Variants in UBE2D2 observed in about 807,000 individuals in gnomAD.
UBE2D2 encodes ubiquitin-conjugating enzyme E2 D2.
Under a neutral mutation model 24.2 loss-of-function variants are expected in UBE2D2, and 2 were observed. The observed-to-expected ratio is 0.08, with a 90% CI of 0.03 to 0.26. The LOEUF (loss-of-function observed/expected upper bound fraction) is 0.26, where lower values mean the gene tolerates loss of function less well. Among genes scored for constraint, UBE2D2 ranks in the 10% least tolerant of loss-of-function variants. The probability of loss-of-function intolerance (pLI) is 1.00; values close to 1 mark genes in which losing one functional copy is unlikely to be tolerated. For synonymous variants in UBE2D2, 58 were observed against 56.5 expected, an observed-to-expected ratio of 1.03 and a Z score of -0.12; for missense variants, 44 against 177.6, an observed-to-expected ratio of 0.25 and a Z score of 4.28.
chr5:139,538,392 A>G (rs1581480146), intron 1 of UBE2D2, among the ~76,000 whole-genome samples: 1 of 152,218 alleles, frequency 6.6e-6, no homozygotes, highest in East Asian at 1.9e-4. Flanking sequence ...GTCCATCAGC[A>G]GATGAAGGGA....
At chr5:139,605,470 T>C (rs1360462763) in intron 2 of UBE2D2, among the ~76,000 whole-genome samples, 1 of 151,228 alleles carries the variant, frequency 6.6e-6, no homozygotes, top group Non-Finnish European at 1.5e-5. Context: ...CAGGTGCCTG[T>C]AGTCCCAGCT....
At chr5:139,548,299 C>G (rs1285860891) in intron 1 of UBE2D2, among the ~76,000 whole-genome samples, 1 of 151,296 alleles carries the variant, frequency 6.6e-6, no homozygotes, top group Non-Finnish European at 1.5e-5. Flanking sequence ...AAGTGTTCCT[C>G]GTTTTCCCAC....
At chr5:139,557,260 A>C (rs1752992208), upstream of UBE2D2, among the ~76,000 whole-genome samples, 1 of 151,724 alleles carries the variant, frequency 6.6e-6, no homozygotes, top group Non-Finnish European at 1.5e-5. Flanking sequence ...CAGCCTCCCA[A>C]GTAGCTGGGA....
intron 1 of UBE2D2, among the ~76,000 whole-genome samples, chr5:139,594,213 C>T (rs1013797934): frequency 6.6e-6 from 1 of 151,978 alleles, no homozygotes; most frequent in Non-Finnish European, 1.5e-5. Context: ...TGTAAAGAAG[C>T]GTTAATTTTT....
At position 139,561,782 on chromosome 5, in the gene UBE2D2, G is replaced by T; in HGVS notation, c.-10G>T. ...CCCGCCCCGGGGGCCGCCGCCACCC[G>T]CCTCCCACCATGGCTCTGAAGAGAA... On this transcript the variant is annotated 5_prime_UTR_variant, in exon 1 of 7. Coordinates refer to ENST00000398733, the MANE Select transcript of UBE2D2 (RefSeq NM_003339.3). 9.5e-7 allele frequency: 1 copy of T among 1,051,962 alleles called. No individual in the cohort carries two copies. The allele number at this position is 1,051,962 out of a possible 1,614,324, so 65.2% of individuals were successfully genotyped here.
chr5:139,533,657 A>AAAAG (rs1752626409), intron 1 of UBE2D2, among the ~76,000 whole-genome samples: 3 of 148,634 alleles, frequency 2.0e-5, no homozygotes. Flanking sequence ...GTCTCAAAAA[A>AAAAG]AAAAGAAAAG....
At chr5:139,527,618 T>C (rs1424623044) in intron 1 of UBE2D2, among the ~76,000 whole-genome samples, 1 of 152,152 alleles carries the variant, frequency 6.6e-6, no homozygotes, top group East Asian at 1.9e-4. Flanking sequence ...AGAATTTATA[T>C]AAAAAGAGTT....
At chr5:139,596,374 A>G (rs1446757523) in intron 1 of UBE2D2, among the ~76,000 whole-genome samples, 4 of 150,416 alleles carry the variant, frequency 2.7e-5, no homozygotes, top group African/African-American at 4.9e-5. Context: ...GCTCACTGCA[A>G]CCTCCGCCTC....
At position 139,593,065 on chromosome 5, in the gene UBE2D2, G is replaced by A. The variant is rs190087902; in HGVS notation, c.25-7307G>A. Among the ~76,000 whole-genome samples, 24 of 140,196 alleles carry A rather than the reference G, an allele frequency of 1.7e-4. No homozygotes were observed. In the East Asian group the frequency reaches 4.8e-3, roughly 28 times the overall value. The allele number at this position is 140,196 out of a possible 152,430, so 92.0% of individuals were successfully genotyped here. A position where few individuals can be genotyped will look rare whatever the true frequency, so the allele number is the denominator to read the frequency against. ...GGCTGGAGTGCAGTGGTGTGATCTC[G>A]GCTCACTGCAACCTCCGCCTCCCGG... On this transcript the variant is annotated intron_variant, in intron 1 of 6. Transcript: ENST00000398733.
At chr5:139,536,265 AATTT>A (rs1752681043) in intron 1 of UBE2D2, among the ~76,000 whole-genome samples, 10 of 151,144 alleles carry the variant, frequency 6.6e-5, no homozygotes, top group Admixed American at 4.0e-4. Flanking sequence ...ATGCCCAGCT[AATTT>A]TGTATTTTTA....
chr5:139,606,552 T>C (rs1288756147), intron 2 of UBE2D2, among the ~76,000 whole-genome samples: 1 of 152,190 alleles, frequency 6.6e-6, no homozygotes, highest in African/African-American at 2.4e-5. Flanking sequence ...TAAAACAGAT[T>C]ATGTAACTTT....
rs182920509 is a variant in UBE2D2, at chr5:139,552,569, C to T, written c.-64+25957C>T. The stretch of plus-strand genomic sequence containing the variant: ...TGTTGTCCAGGCTGGAGTGCAATGG[C>T]GAGATCTCGGCTCACGGCAACCTCC... On this transcript the variant is annotated intron_variant, in intron 1 of 6. Transcript: ENST00000511725. Among the ~76,000 whole-genome samples the T allele has an allele frequency of 9.0e-3, 1,291 of 143,632 alleles. 25 individuals carry two copies. Among genetic ancestry groups the T allele is most frequent in the African/African-American group, 0.03 (1,146 of 38,482 alleles). 94.2% of individuals were successfully genotyped at this position (143,632 alleles called of 152,430 possible). A position where few individuals can be genotyped will look rare whatever the true frequency, so the allele number is the denominator to read the frequency against.
chr5:139,536,416 T>G (rs1477323409), intron 1 of UBE2D2, among the ~76,000 whole-genome samples: 2 of 151,760 alleles, frequency 1.3e-5, no homozygotes, highest in East Asian at 3.9e-4. Context: ...CAGGCTGGAG[T>G]GCAGTGGCAT....
intron 1 of UBE2D2, among the ~76,000 whole-genome samples, chr5:139,566,081 T>C (rs1024887712): frequency 6.6e-6 from 1 of 151,368 alleles, no homozygotes; most frequent in African/African-American, 2.4e-5. Context: ...TGCAGTGTCA[T>C]GATCTTGGCT....
chr5:139,595,994 G>C (rs1581518111), intron 1 of UBE2D2, among the ~76,000 whole-genome samples: 1 of 144,074 alleles, frequency 6.9e-6, no homozygotes, highest in Non-Finnish European at 1.5e-5. Context: ...CCCTCGTTCA[G>C]GCAATTCTCC....
intron 1 of UBE2D2, among the ~76,000 whole-genome samples, chr5:139,532,113 C>T (rs1035681808): frequency 3.3e-5 from 5 of 151,196 alleles, no homozygotes; most frequent in African/African-American, 9.7e-5. Context: ...TAATATCTAT[C>T]GAAAATTTCA....
chr5:139,527,234 G>T (rs943641441), intron 1 of UBE2D2, among the ~76,000 whole-genome samples: 2 of 152,076 alleles, frequency 1.3e-5, no homozygotes, highest in Non-Finnish European at 2.9e-5. Flanking sequence ...GTAAGCCAAA[G>T]CACCCGGACC....
At position 139,627,166 on chromosome 5, in the gene UBE2D2, A is replaced by G; in HGVS notation, c.*365A>G. Reference sequence around the variant, plus strand: ...GGATGGGAAAGAAAAGGCTCCACTCACCTATAGGAGATTATTTTTAAGTGG... The same window carrying G: ...GGATGGGAAAGAAAAGGCTCCACTCGCCTATAGGAGATTATTTTTAAGTGG... On this transcript the variant is annotated 3_prime_UTR_variant, in exon 7 of 7. Transcript: ENST00000398733. 1 of 173,804 alleles carries G rather than the reference A, an allele frequency of 5.8e-6. No homozygotes were observed. 10.8% of individuals were successfully genotyped at this position (173,804 alleles called of 1,614,324 possible).
intron 2 of UBE2D2, among the ~76,000 whole-genome samples, chr5:139,602,117 C>A (rs933028448): frequency 6.6e-6 from 1 of 151,912 alleles, no homozygotes; most frequent in Non-Finnish European, 1.5e-5. Context: ...AGTGGCGTGA[C>A]CTCGGCTCAC....
Sources: gnomAD v4.1 joint callset for allele counts (sites outside exome capture counted in the v4.1 genomes callset) on GRCh38, gnomAD v4.1.1 for gene constraint, MANE v1.5 for transcripts, NCBI Gene and HGNC (gene_info 2026-07-23, HGNC 2026-07-21) for gene names.